Variants in ADARB2 observed in about 807,000 individuals in gnomAD.
ADARB2 encodes the protein adenosine deaminase RNA specific B2 (inactive), also known as inactive double-stranded RNA-specific editase B2.
A neutral mutation model predicts 62.2 loss-of-function variants in ADARB2; 25 were observed. The observed-to-expected ratio is 0.40, with a 90% confidence interval of 0.29 to 0.56. The LOEUF (loss-of-function observed/expected upper bound fraction) is 0.56. ADARB2 is among the 20% of genes least tolerant of loss of function. ADARB2 has a pLI of 0.43. For missense variants in ADARB2, 1,071 were observed against 1,077.4 expected, an observed-to-expected ratio of 0.99 and a Z score of 0.08; for synonymous variants, 572 against 500.8, an observed-to-expected ratio of 1.14 and a Z score of -1.90.
intron 1 of ADARB2, among the ~76,000 whole-genome samples, chr10:1,525,158 G>A (rs1245728901): frequency 6.6e-6 from 1 of 152,128 alleles, no homozygotes. Context: ...GTAAAAAAAG[G>A]TCAGGTACCT....
rs1163465631 is a variant in ADARB2 at position 1,180,994 on chromosome 10, GCCGAGCGCTTT to G, written c.*2188_*2198del. On this transcript the variant is annotated 3_prime_UTR_variant, in exon 10 of 10. Transcript: ENST00000381312. ...GCTTCATGATGCTGGCCACTGGGTG[GCCGAGCGCTTT>G]CCGAGTCCCGTGAATCAGACCCTGC... 5.3e-5 allele frequency: 8 copies of G among 152,362 alleles called. No homozygotes were observed. The highest frequency in any genetic ancestry group is 1.9e-4 in the African/African-American group (8 of 41,580). 9.4% of individuals were successfully genotyped at this position (152,362 alleles called of 1,614,324 possible). A position where few individuals can be genotyped will look rare whatever the true frequency, so the allele number is the denominator to read the frequency against.
chr10:1,270,849 C>T, intron 4 of ADARB2, 106 bp downstream of exon 4: 1 of 944,882 alleles, frequency 1.1e-6, no homozygotes, highest in Non-Finnish European at 1.6e-6. Context: ...TTCTTTGTCA[C>T]AGCCTGTTGT....
rs10219111 is a variant in ADARB2, at chr10:1,692,205, T to C, written c.100+44846A>G. Among the ~76,000 whole-genome samples, 917 of 152,350 alleles carry C rather than the reference T, an allele frequency of 6.0e-3. 6 individuals are homozygous for C. The highest frequency in any genetic ancestry group is 0.021 in the African/African-American group (872 of 41,578). On this transcript the variant is annotated intron_variant, in intron 1 of 9. Transcript: ENST00000381312. The stretch of plus-strand genomic sequence containing the variant: ...AGAGCTATCACCTAAAAGCATCACA[T>C]GGACATTTAAAATTCTCAGTAGAGC...
At chr10:1,686,353 GATC>G (rs1216110918) in intron 1 of ADARB2, among the ~76,000 whole-genome samples, 1 of 152,256 alleles carries the variant, frequency 6.6e-6, no homozygotes, top group Non-Finnish European at 1.5e-5. Context: ...ACAAGGACAG[GATC>G]ATGTGCTGGG....
intron 4 of ADARB2, among the ~76,000 whole-genome samples, chr10:1,250,088 G>A (rs572224286): frequency 8.7e-6 from 1 of 115,600 alleles, no homozygotes; most frequent in African/African-American, 2.6e-5. Flanking sequence ...AGAAAGACTT[G>A]CCACATTTTT....
At chr10:1,351,246 C>T (rs1832134711) in intron 3 of ADARB2, among the ~76,000 whole-genome samples, 1 of 152,218 alleles carries the variant, frequency 6.6e-6, no homozygotes, top group Non-Finnish European at 1.5e-5. Context: ...CCTCAGAAGC[C>T]TCCTGGACCA....
In ADARB2 at chr10:1,271,059, T is replaced by G. The variant is rs776828559; in HGVS notation, c.1088A>C (p.Asp363Ala). ...CTGTGTGACCAGCTGGGATATGGAG[T>G]CTGCGAATTCCTGAAAGACACAAGC... ...RRTPMPQEFA[D>A]SISQLVTQKF... is the part of the protein sequence containing the mutation. The change falls in exon 4 of 10, where the codon GAC becomes GCC. Residue 363 changes from aspartate (D) to alanine (A), a missense_variant. By Grantham distance (126) the Asp-to-Ala change is moderately radical. Transcript: ENST00000381312. 6.2e-7 allele frequency: 1 copy of G among 1,613,050 alleles called. No homozygotes were observed. The highest frequency in any genetic ancestry group is 8.5e-7 in the Non-Finnish European group (1 of 1,179,732).
intron 1 of ADARB2, among the ~76,000 whole-genome samples, chr10:1,629,397 A>G (rs1352346303): frequency 6.6e-6 from 1 of 152,078 alleles, no homozygotes; most frequent in Admixed American, 6.5e-5. Flanking sequence ...TCACAGTGAC[A>G]TTCTAATTCA....
At chr10:1,610,132 G>A (rs1326924232) in intron 1 of ADARB2, among the ~76,000 whole-genome samples, 1 of 151,970 alleles carries the variant, frequency 6.6e-6, no homozygotes, top group African/African-American at 2.4e-5. Context: ...ATGTTAAATT[G>A]CACAGTGATA....
intron 1 of ADARB2, among the ~76,000 whole-genome samples, chr10:1,668,534 T>C (rs901269956): frequency 6.6e-6 from 1 of 152,058 alleles, no homozygotes; most frequent in Non-Finnish European, 1.5e-5. Flanking sequence ...TTAGAAGCAG[T>C]GGTGGGGCTG....
Position 1,729,061 on chromosome 10 carries a change from GTAT to G in ADARB2, c.100+7987_100+7989del, listed in dbSNP as rs1835200702. On this transcript the variant is annotated intron_variant, in intron 1 of 9. Coordinates refer to ENST00000381312, the MANE Select transcript of ADARB2 (RefSeq NM_018702.4). ...TTTTCAAAATTTCTCCTTGAGCCATGTATTTTGGATTGAAAACTCTGTTAGAAT... is the reference window on the plus strand; with the variant it reads ...TTTTCAAAATTTCTCCTTGAGCCATGTTTGGATTGAAAACTCTGTTAGAAT... Among the ~76,000 whole-genome samples the G allele has an allele frequency of 3.3e-5, 5 of 152,282 alleles. No homozygotes were observed. In the South Asian group the frequency reaches 1.0e-3, roughly 32 times the overall value.
At chr10:1,191,575 G>T (rs1007674546) in intron 8 of ADARB2, among the ~76,000 whole-genome samples, 1 of 152,140 alleles carries the variant, frequency 6.6e-6, no homozygotes, top group Admixed American at 6.5e-5. Context: ...ATGGAACCAC[G>T]CTCACAGACG....
At chr10:1,642,838 G>A (rs938969506) in intron 1 of ADARB2, among the ~76,000 whole-genome samples, 5 of 151,966 alleles carry the variant, frequency 3.3e-5, no homozygotes, top group Non-Finnish European at 7.4e-5. Flanking sequence ...ACACACACTC[G>A]CCCCTTGGCT....
rs114599170 is a variant in ADARB2, at chr10:1,443,850, A to G, written c.101-64690T>C. 6.5e-3 allele frequency among the ~76,000 whole-genome samples: 988 copies of G among 152,330 alleles called. 14 individuals are homozygous for G. The highest frequency in any genetic ancestry group is 0.022 in the African/African-American group (913 of 41,566). ...TATCTTTTTCTGGAGAGTATTAGAAAAAAAGGAAGGTAAAGAAATGTTTCC... is the reference window on the plus strand; with the variant it reads ...TATCTTTTTCTGGAGAGTATTAGAAGAAAAGGAAGGTAAAGAAATGTTTCC... On this transcript the variant is annotated intron_variant, in intron 1 of 9. Transcript: ENST00000381312.
chr10:1,587,955 C>T (rs1274087546), intron 1 of ADARB2, among the ~76,000 whole-genome samples: 1 of 152,120 alleles, frequency 6.6e-6, no homozygotes, highest in African/African-American at 2.4e-5. Context: ...TCCCTAGTCT[C>T]ATGGAACTGT....
chr10:1,722,219 A>G (rs1835101996), intron 1 of ADARB2, among the ~76,000 whole-genome samples: 1 of 152,204 alleles, frequency 6.6e-6, no homozygotes, highest in South Asian at 2.1e-4. Flanking sequence ...CTTTAAATTG[A>G]CATTTGGGGC....
At chr10:1,286,247 C>CA (rs1831413254) in intron 3 of ADARB2, among the ~76,000 whole-genome samples, 1 of 152,168 alleles carries the variant, frequency 6.6e-6, no homozygotes, top group South Asian at 2.1e-4. Flanking sequence ...GAAACACTGC[C>CA]AGGAGAGTCC....
At chr10:1,219,703 G>A (rs1246367342) in intron 6 of ADARB2, among the ~76,000 whole-genome samples, 1 of 152,068 alleles carries the variant, frequency 6.6e-6, no homozygotes, top group East Asian at 1.9e-4. Flanking sequence ...GGAGGTAATG[G>A]TGGTGGTGAT....
At chr10:1,457,715 A>G (rs945279991) in intron 1 of ADARB2, among the ~76,000 whole-genome samples, 1 of 152,162 alleles carries the variant, frequency 6.6e-6, no homozygotes, top group Non-Finnish European at 1.5e-5. Flanking sequence ...ACTGCTCACA[A>G]CGAAATTCCT....
Sources: allele counts gnomAD v4.1 joint callset (sites outside exome capture counted in the v4.1 genomes callset), GRCh38; gene constraint gnomAD v4.1.1; transcripts MANE v1.5; gene names NCBI Gene and HGNC (gene_info 2026-07-23, HGNC 2026-07-21).